The following SGCZ variants were observed in gnomAD, a reference collection of about 807,000 sequenced individuals.
SGCZ encodes the protein zeta-sarcoglycan.
A neutral mutation model predicts 41.3 loss-of-function variants in SGCZ; 40 were observed. That is an observed-to-expected ratio of 0.97 (90% CI 0.75 to 1.26). The LOEUF (loss-of-function observed/expected upper bound fraction) is 1.26. Among genes scored for constraint, SGCZ ranks in the 50% most tolerant of loss-of-function variants. The pLI, the probability that SGCZ is intolerant of heterozygous loss-of-function variation, is 0.00. For synonymous variants in SGCZ, 206 were observed against 137.5 expected (o/e 1.50, Z -3.49); for missense variants, 552 against 369.8 (o/e 1.49, Z -4.04).
At chr8:14,691,315 G>A (rs1002774223) in intron 1 of SGCZ, among the ~76,000 whole-genome samples, 1 of 152,056 alleles carries the variant, frequency 6.6e-6, no homozygotes, top group East Asian at 1.9e-4. Flanking sequence ...ATTTATTTTA[G>A]ATAGTTTAAA....
chr8:14,239,901 C>CAAAAAAAAAAAA (rs71209029), intron 3 of SGCZ, among the ~76,000 whole-genome samples: 3 of 41,364 alleles, frequency 7.3e-5, no homozygotes, highest in African/African-American at 7.0e-4. Flanking sequence ...GACTCCGTCT[C>CAAAAAAAAAAAA]AAAAAAAAAA....
At chr8:14,676,346 A>ATGTGTGTGTG (rs33909996) in intron 1 of SGCZ, among the ~76,000 whole-genome samples, 2,501 of 149,388 alleles carry the variant, frequency 0.017, 37 homozygotes, top group South Asian at 0.08. Context: ...AATGAAATAG[A>ATGTGTGTGTG]TGTGTGTGTG....
chr8:15,018,969 AC>A (rs1803146251), intron 1 of SGCZ, among the ~76,000 whole-genome samples: 1 of 152,220 alleles, frequency 6.6e-6, no homozygotes, highest in Admixed American at 6.5e-5. Flanking sequence ...GGGATGTCTT[AC>A]ATGGCCGGAG....
chr8:14,482,064 A>G (rs1801550162), intron 2 of SGCZ, among the ~76,000 whole-genome samples: 1 of 152,182 alleles, frequency 6.6e-6, no homozygotes, highest in South Asian at 2.1e-4. Context: ...GGACTAAGCG[A>G]GTATCTTAAA....
At chr8:14,282,846 A>ATTTTTTT (rs1563232512) in intron 3 of SGCZ, among the ~76,000 whole-genome samples, 1 of 62,980 alleles carries the variant, frequency 1.6e-5, no homozygotes, top group African/African-American at 6.3e-5. Flanking sequence ...TCTTTCAAAT[A>ATTTTTTT]CTTTTTTTTT....
chr8:14,506,380 C>T (rs1336561176), intron 2 of SGCZ, among the ~76,000 whole-genome samples: 2 of 152,146 alleles, frequency 1.3e-5, no homozygotes, highest in Non-Finnish European at 1.5e-5. Flanking sequence ...AAAGACATAG[C>T]TCCAGCTCCA....
rs961021180 is a variant in SGCZ, at chr8:14,933,030, G to C, written c.39+304555C>G. Among the ~76,000 whole-genome samples, 2 of 151,968 alleles carry C rather than the reference G, an allele frequency of 1.3e-5. 1 individual carries two copies. Among genetic ancestry groups the C allele is most frequent in the African/African-American group, 4.8e-5 (2 of 41,274 alleles). Reference sequence around the variant, plus strand: ...CTCATAGGCACAGAGATGGAAACAAGAGACAATGGGGACTATGACAGCAGG... The same window carrying C: ...CTCATAGGCACAGAGATGGAAACAACAGACAATGGGGACTATGACAGCAGG... On this transcript the variant is annotated intron_variant, in intron 1 of 7. Coordinates refer to ENST00000382080, the MANE Select transcript of SGCZ (RefSeq NM_139167.4).
At chr8:14,297,857 G>GA (rs201231336) in intron 3 of SGCZ, among the ~76,000 whole-genome samples, 6 of 149,580 alleles carry the variant, frequency 4.0e-5, no homozygotes, top group East Asian at 2.0e-4. Context: ...AACTCTTTCA[G>GA]AAAAAAAAAG....
intron 3 of SGCZ, among the ~76,000 whole-genome samples, chr8:14,294,018 AT>A (rs1291201763): frequency 6.6e-6 from 1 of 151,758 alleles, no homozygotes; most frequent in African/African-American, 2.4e-5. Flanking sequence ...TTAGAACACT[AT>A]TTTTTCTAGA....
chr8:14,375,361 G>A (rs1322661433), intron 2 of SGCZ, among the ~76,000 whole-genome samples: 1 of 152,042 alleles, frequency 6.6e-6, no homozygotes, highest in Non-Finnish European at 1.5e-5. Context: ...TATAAGAAAG[G>A]TCAAGTGGCC....
intron 1 of SGCZ, among the ~76,000 whole-genome samples, chr8:14,989,075 A>T (rs1801922735): frequency 6.6e-6 from 1 of 152,154 alleles, no homozygotes; most frequent in Non-Finnish European, 1.5e-5. Context: ...TTTGCACTGT[A>T]AACACTCGAT....
At chr8:14,111,310 T>C (rs139915129) in intron 5 of SGCZ, among the ~76,000 whole-genome samples, 120 of 152,294 alleles carry the variant, frequency 7.9e-4, no homozygotes, top group African/African-American at 2.8e-3. Flanking sequence ...AGACATCATA[T>C]ACTTGATCTG....
chr8:14,690,335 G>T (rs1357142002), intron 1 of SGCZ: 2 of 151,932 alleles, frequency 1.3e-5, no homozygotes, highest in African/African-American at 4.8e-5. Context: ...CCCACTCCTT[G>T]CCTCCTGTGT....
intron 1 of SGCZ, among the ~76,000 whole-genome samples, chr8:14,809,623 C>G (rs770313514): frequency 1.3e-5 from 2 of 152,038 alleles, no homozygotes; most frequent in Non-Finnish European, 2.9e-5. Flanking sequence ...AAATACTAGA[C>G]CCTCAATTGT....
At chr8:15,206,060 A>C (rs2117146553) in intron 1 of SGCZ, among the ~76,000 whole-genome samples, 1 of 152,246 alleles carries the variant, frequency 6.6e-6, no homozygotes, top group Middle Eastern at 3.4e-3. Context: ...GAGGAGCAGA[A>C]ACAAAATAAC....
intron 1 of SGCZ, among the ~76,000 whole-genome samples, chr8:14,768,735 T>C (rs1800125552): frequency 6.6e-6 from 1 of 151,894 alleles, no homozygotes; most frequent in Admixed American, 6.6e-5. Flanking sequence ...CACAGAACAC[T>C]TACAGATGGA....
At chr8:14,260,529 G>A (rs1337609072) in intron 3 of SGCZ, among the ~76,000 whole-genome samples, 1 of 147,492 alleles carries the variant, frequency 6.8e-6, no homozygotes, top group Non-Finnish European at 1.5e-5. Flanking sequence ...CATTGTGGAA[G>A]TCAGTGTGGC....
chr8:14,412,835 G>C (rs1208427736), intron 2 of SGCZ, among the ~76,000 whole-genome samples: 1 of 151,994 alleles, frequency 6.6e-6, no homozygotes, highest in Admixed American at 6.6e-5. Flanking sequence ...AACTTGAAGA[G>C]TATTTGACAT....
intron 1 of SGCZ, among the ~76,000 whole-genome samples, chr8:15,225,856 A>G (rs1214183831): frequency 2.0e-5 from 3 of 152,054 alleles, no homozygotes; most frequent in African/African-American, 4.8e-5. Context: ...TGCAAATTAC[A>G]TTTTCTTACG....
Sources: allele counts gnomAD v4.1 joint callset (sites outside exome capture counted in the v4.1 genomes callset), GRCh38; gene constraint gnomAD v4.1.1; transcripts MANE v1.5; gene names NCBI Gene and HGNC (gene_info 2026-07-23, HGNC 2026-07-21).